The following ZC3H3 variants were observed in gnomAD, a reference collection of about 807,000 sequenced individuals.
ZC3H3 encodes the protein zinc finger CCCH domain-containing protein 3.
ZC3H3 carries 36 observed loss-of-function variants against 77.3 expected under a neutral mutation model. The observed-to-expected ratio is 0.47, with a 90% CI of 0.36 to 0.61. ZC3H3 has a LOEUF of 0.61. Among genes scored for constraint, ZC3H3 ranks in the 20% least tolerant of loss-of-function variants. The probability of loss-of-function intolerance (pLI) is 0.00; values close to 1 mark genes in which losing one functional copy is unlikely to be tolerated. For synonymous variants in ZC3H3, 626 were observed against 555.2 expected (o/e 1.13, Z -1.79); for missense variants, 1,331 against 1,312.2 (o/e 1.01, Z -0.22).
At chr8:143,448,813 T>C (rs1027532273) in intron 9 of ZC3H3, among the ~76,000 whole-genome samples, 1 of 152,248 alleles carries the variant, frequency 6.6e-6, no homozygotes, top group Admixed American at 6.5e-5. Flanking sequence ...AGAAGTTCTC[T>C]ATGAGGGCTT....
chr8:143,513,938 A>AGT, intron 3 of ZC3H3, among the ~76,000 whole-genome samples: 1 of 152,296 alleles, frequency 6.6e-6, no homozygotes. Context: ...GCCCCCGACC[A>AGT]GTGTAGCTCG....
At chr8:143,534,435 A>G (rs1822725815) in intron 3 of ZC3H3, among the ~76,000 whole-genome samples, 1 of 151,842 alleles carries the variant, frequency 6.6e-6, no homozygotes, top group Non-Finnish European at 1.5e-5. Context: ...GGGGGCGCCG[A>G]GCAAGGCCCC....
At chr8:143,537,565 CG>C (rs1822842843) in intron 2 of ZC3H3, among the ~76,000 whole-genome samples, 3 of 152,232 alleles carry the variant, frequency 2.0e-5, no homozygotes, top group Non-Finnish European at 4.4e-5. Flanking sequence ...AGCACAGACC[CG>C]TGGCCGGCAG....
intron 3 of ZC3H3, among the ~76,000 whole-genome samples, chr8:143,527,931 TC>T (rs1490770171): frequency 2.6e-5 from 4 of 151,960 alleles, no homozygotes; most frequent in African/African-American, 9.7e-5. Context: ...GGCCAAAGTC[TC>T]CCGCCAGGCC....
At position 143,440,272 on chromosome 8, in the gene ZC3H3, C is replaced by T. The variant is rs750370205; in HGVS notation, c.2584G>A (p.Gly862Arg). ...GAGGATGAGGGAGAGGCTGACCCCCCTGGGCAGTGGGGAGGTGCAGCCACG... is the reference window on the plus strand; with the variant it reads ...GAGGATGAGGGAGAGGCTGACCCCCTTGGGCAGTGGGGAGGTGCAGCCACG... ...AAVAAPPHCP[G>R]GSASPSSSKA... The change falls in exon 11 of 12, where the codon GGG becomes AGG. Residue 862 changes from glycine (G) to arginine (R), a missense_variant. Physicochemically the swap from Gly to Arg is moderately radical, Grantham distance 125. Around this residue, in one of 3 missense-constraint regions of ZC3H3, gnomAD observed 249 missense variants for 236.9 expected, o/e 1.05. Transcript: ENST00000262577. 74 of 1,584,696 alleles carry T rather than the reference C, an allele frequency of 4.7e-5. No homozygotes were observed. Among genetic ancestry groups the T allele is most frequent in the Admixed American group, 2.5e-4 (14 of 55,368 alleles).
At chr8:143,531,593 T>C (rs915847686) in intron 3 of ZC3H3, among the ~76,000 whole-genome samples, 2 of 152,260 alleles carry the variant, frequency 1.3e-5, no homozygotes, top group East Asian at 1.9e-4. Context: ...GTACAGCATA[T>C]ATCCTGTGGC....
chr8:143,475,580 A>G lies in ZC3H3; in HGVS notation c.1721T>C (p.Leu574Pro). 6.3e-7 allele frequency: 1 copy of G among 1,592,916 alleles called. No homozygotes were observed. The highest frequency in any genetic ancestry group is 8.5e-7 in the Non-Finnish European group (1 of 1,169,930). ...AACTGGACGCAGGCGGTTCAGCACC[A>G]GGGACCTGCAGAGACAGGAAATGCC... ...RARRLSLSRS[L>P]VLNRLRPVAS... The change falls in exon 5 of 12, where the codon CTG becomes CCG. Residue 574 changes from leucine to proline, a missense_variant. Physicochemically the swap from Leu to Pro is moderately conservative, Grantham distance 98. Around this residue, in one of 3 missense-constraint regions of ZC3H3, gnomAD observed 978 missense variants for 915.5 expected, o/e 1.07. Coordinates refer to ENST00000262577, the MANE Select transcript of ZC3H3 (RefSeq NM_015117.3).
At chr8:143,507,966 C>G (rs1310343939) in intron 3 of ZC3H3, 67 bp from the exon 4 acceptor site, 2 of 1,466,028 alleles carry the variant, frequency 1.4e-6, no homozygotes, top group Non-Finnish European at 1.8e-6. Context: ...TCAGAGAGGC[C>G]ACCCACAGTG....
Position 143,494,592 on chromosome 8 carries a change from G to A in ZC3H3, c.1715+13154C>T, listed in dbSNP as rs911110696. 2.0e-5 allele frequency among the ~76,000 whole-genome samples: 3 copies of A among 152,152 alleles called. No homozygotes were observed. The highest frequency in any genetic ancestry group is 7.2e-5 in the African/African-American group (3 of 41,432). On this transcript the variant is annotated intron_variant, in intron 4 of 11. Transcript: ENST00000262577. The surrounding 1 kb of genome is among the most constrained non-coding windows in gnomAD (Gnocchi z 5.3). Reference sequence around the variant, plus strand: ...CAGAGCGAGGGCCAGCCGGGAAGGAGGGCCGGCCGGGACAGGAGGGAAGCG... The same window carrying A: ...CAGAGCGAGGGCCAGCCGGGAAGGAAGGCCGGCCGGGACAGGAGGGAAGCG...
At chr8:143,504,880 C>T (rs751783924) in intron 4 of ZC3H3, among the ~76,000 whole-genome samples, 1 of 152,228 alleles carries the variant, frequency 6.6e-6, no homozygotes, top group Admixed American at 6.5e-5. Context: ...GAGCTGGCAG[C>T]TTCACAGAGA....
chr8:143,527,315 T>TACCTCAATCCATTCAACA (rs1252256761), intron 3 of ZC3H3, among the ~76,000 whole-genome samples: 2 of 152,146 alleles, frequency 1.3e-5, no homozygotes, highest in African/African-American at 4.8e-5. Context: ...ACAAGAGGAC[T>TACCTCAATCCATTCAACA]ACCTCAATCC....
chr8:143,488,827 T>G (rs1010263299), intron 4 of ZC3H3, among the ~76,000 whole-genome samples: 2 of 152,224 alleles, frequency 1.3e-5, no homozygotes, highest in African/African-American at 4.8e-5. Flanking sequence ...CCCTGAACAC[T>G]TGGAGTTCCA....
chr8:143,508,220 C>G (rs376657442), intron 3 of ZC3H3, among the ~76,000 whole-genome samples: 1 of 152,226 alleles, frequency 6.6e-6, no homozygotes, highest in Non-Finnish European at 1.5e-5. Context: ...GCCGGGGATG[C>G]CTTGGAGTCC....
At position 143,493,335 on chromosome 8, in the gene ZC3H3, G is replaced by A. The variant is rs1229274315; in HGVS notation, c.1715+14411C>T. On this transcript the variant is annotated intron_variant, in intron 4 of 11. Coordinates refer to ENST00000262577, the MANE Select transcript of ZC3H3 (RefSeq NM_015117.3). The surrounding 1 kb of genome is among the most constrained non-coding windows in gnomAD (Gnocchi z 4.8). ...CCTTTGTCCGGAAAAAGTCCCAGAGGATCAGCGGTGTCCCTCAGGGACATC... is the reference window on the plus strand; with the variant it reads ...CCTTTGTCCGGAAAAAGTCCCAGAGAATCAGCGGTGTCCCTCAGGGACATC... Among the ~76,000 whole-genome samples, 1 of 152,206 alleles carries A rather than the reference G, an allele frequency of 6.6e-6. No individual in the cohort carries two copies. Among genetic ancestry groups the A allele is most frequent in the Non-Finnish European group, 1.5e-5 (1 of 68,022 alleles).
intron 3 of ZC3H3, among the ~76,000 whole-genome samples, chr8:143,513,392 C>T (rs1442789140): frequency 6.6e-6 from 1 of 152,180 alleles, no homozygotes; most frequent in East Asian, 1.9e-4. Flanking sequence ...GAGTCCCCAT[C>T]TCCTCTCCTG....
rs1244995181 is a variant in ZC3H3, at chr8:143,533,685, CTTTT to C, written c.1561+2568_1561+2571del. On this transcript the variant is annotated intron_variant, in intron 3 of 11. Coordinates refer to ENST00000262577, the MANE Select transcript of ZC3H3 (RefSeq NM_015117.3). This position sits in a 1 kb window ranked among gnomAD's most constrained non-coding sequence, Gnocchi z 4.0. ...CACTCCATGCAGCCGCCACGCTGGTCTTTTTTTTTTTTTTTTTTTGAGACAAAAT... is the reference window on the plus strand; with the variant it reads ...CACTCCATGCAGCCGCCACGCTGGTCTTTTTTTTTTTTTTTGAGACAAAAT... Among the ~76,000 whole-genome samples the C allele has an allele frequency of 1.6e-4, 20 of 128,714 alleles. No individual in the cohort carries two copies. The East Asian group carries it at 2.2e-3, about 14-fold the overall frequency. The allele number at this position is 128,714 out of a possible 152,430, so 84.4% of individuals were successfully genotyped here.
rs943608857 is a variant in ZC3H3, at chr8:143,460,810, T to A, written c.2307+4907A>T. ...AAGGACAGATGCTGGATGATTCCAC[T>A]GACGGGACACAGCTAGACCCTGGAA... On this transcript the variant is annotated intron_variant, in intron 9 of 11. Coordinates refer to ENST00000262577, the MANE Select transcript of ZC3H3 (RefSeq NM_015117.3). This position sits in a 1 kb window ranked among gnomAD's most constrained non-coding sequence, Gnocchi z 4.0. Among the ~76,000 whole-genome samples the A allele has an allele frequency of 6.6e-6, 1 of 152,198 alleles. No homozygotes were observed. Among genetic ancestry groups the A allele is most frequent in the Non-Finnish European group, 1.5e-5 (1 of 68,028 alleles).
At chr8:143,448,741 C>T (rs1463201349) in intron 9 of ZC3H3, among the ~76,000 whole-genome samples, 1 of 152,230 alleles carries the variant, frequency 6.6e-6, no homozygotes, top group Non-Finnish European at 1.5e-5. Flanking sequence ...CTCACAGCTC[C>T]ACTAAACAGT....
intron 3 of ZC3H3, among the ~76,000 whole-genome samples, chr8:143,510,537 T>C (rs904643608): frequency 6.6e-6 from 1 of 152,214 alleles, no homozygotes; most frequent in East Asian, 1.9e-4. Context: ...CCTAAGACCA[T>C]GCATGGCACA....
Sources: gnomAD v4.1 joint callset for allele counts (sites outside exome capture counted in the v4.1 genomes callset) on GRCh38, gnomAD v4.1.1 for gene constraint, gnomAD v4.1.1 regional missense constraint, Gnocchi (gnomAD v3.1) non-coding constraint, MANE v1.5 for transcripts, NCBI Gene and HGNC (gene_info 2026-07-23, HGNC 2026-07-21) for gene names.